TGS1: variants seen among roughly 807,000 people sequenced by gnomAD.
TGS1 encodes the protein trimethylguanosine synthase.
A neutral mutation model predicts 92.2 loss-of-function variants in TGS1; 69 were observed. The observed-to-expected ratio is 0.75, with a 90% CI of 0.62 to 0.91. The LOEUF (loss-of-function observed/expected upper bound fraction) is 0.91, where lower values mean the gene tolerates loss of function less well. TGS1 is among the 40% of genes least tolerant of loss of function. The pLI is 0.00. For synonymous variants in TGS1, 345 were observed against 338.1 expected (o/e 1.02, Z -0.22); for missense variants, 1,062 against 1,001.2 (o/e 1.06, Z -0.82).
At chr8:55,804,862 A>G (rs370899152) in intron 9 of TGS1, 31 bp from the exon 10 acceptor site, 1 of 1,603,902 alleles carries the variant, frequency 6.2e-7, no homozygotes, top group African/African-American at 1.3e-5. Flanking sequence ...TTGAAATTGA[A>G]CATGCTAACA....
In TGS1 at chr8:55,796,121, C is replaced by A. The variant is rs1415199798; in HGVS notation, c.1511C>A (p.Pro504Gln). 1.4e-5 allele frequency: 22 copies of A among 1,611,668 alleles called. No homozygotes were observed. The highest frequency in any genetic ancestry group is 1.8e-5 in the Non-Finnish European group (21 of 1,178,836). Residue 504 changes from proline to glutamine, a missense_variant, in exon 7 of 13, where the codon CCA (proline) becomes CAA (glutamine). Physicochemically the swap from Pro to Gln is moderately conservative, Grantham distance 76. Transcript: ENST00000260129. The part of the protein sequence containing the change: ...HIFFTKESEK[P>Q]FFKKSKILSK... ...TTCTTTACCAAAGAGTCAGAAAAAC[C>A]ATTTTTCAAGAAAAGCAAAATTCTG...
chr8:55,774,203 A>G (rs1022710756), intron 1 of TGS1, among the ~76,000 whole-genome samples: 1 of 152,176 alleles, frequency 6.6e-6, no homozygotes, highest in Admixed American at 6.5e-5. Flanking sequence ...TGATATCTTT[A>G]TTTTGGGGAA....
intron 1 of TGS1, among the ~76,000 whole-genome samples, chr8:55,775,524 G>C (rs994778123): frequency 1.3e-5 from 2 of 152,166 alleles, no homozygotes; most frequent in African/African-American, 4.8e-5. Context: ...AAGAAAGAAA[G>C]ATGGGAGAAA....
chr8:55,801,703 C>T (rs1413128197), intron 8 of TGS1, among the ~76,000 whole-genome samples: 2 of 145,168 alleles, frequency 1.4e-5, no homozygotes, highest in African/African-American at 2.6e-5. Context: ...ATTCTTCTGT[C>T]TCAGCCTCCC....
rs1219209916 is a variant in TGS1 at position 55,802,342 on chromosome 8, A to G, written c.1850-115A>G. The G allele has an allele frequency of 7.3e-6, 6 of 820,176 alleles. No homozygotes were observed. In the African/African-American group the frequency reaches 8.6e-5, roughly 12 times the overall value. The allele number at this position is 820,176 out of a possible 1,614,324, so 50.8% of individuals were successfully genotyped here. A position where few individuals can be genotyped will look rare whatever the true frequency, so the allele number is the denominator to read the frequency against. On this transcript the variant is annotated intron_variant, in intron 8 of 12. Coordinates refer to ENST00000260129, the MANE Select transcript of TGS1 (RefSeq NM_024831.8). The stretch of plus-strand genomic sequence containing the variant: ...GCTCTCCTGTTTCTCTGGGCGTGTC[A>G]TTATATACATGTTCTGCTTGTAATT...
intron 8 of TGS1, among the ~76,000 whole-genome samples, chr8:55,801,582 C>CCTTTTTTTTT (rs1214681045): frequency 2.1e-5 from 1 of 48,200 alleles, no homozygotes; most frequent in African/African-American, 9.4e-5. Flanking sequence ...CCCCATCGTT[C>CCTTTTTTTTT]TTTTTTTTTT....
At chr8:55,805,370 C>T (rs926545060) in intron 10 of TGS1, among the ~76,000 whole-genome samples, 12 of 152,014 alleles carry the variant, frequency 7.9e-5, no homozygotes, top group African/African-American at 2.2e-4. Context: ...CTAGATACAT[C>T]GAAATAATTT....
intron 11 of TGS1, among the ~76,000 whole-genome samples, chr8:55,812,105 C>T (rs538870416): frequency 1.3e-5 from 2 of 152,166 alleles, no homozygotes; most frequent in Non-Finnish European, 2.9e-5. Flanking sequence ...GTTACTCTTC[C>T]AAGACGTCGA....
rs1347311314 is a variant in TGS1 at position 55,799,222 on chromosome 8, T to A, written c.1849+2T>A. On this transcript the variant is annotated splice_donor_variant, in intron 8 of 12. Coordinates refer to ENST00000260129, the MANE Select transcript of TGS1 (RefSeq NM_024831.8). LOFTEE classifies it high-confidence loss of function. ...ACTCCCGCCAGGCAGAAACTGAAGG[T>A]AACACTAAATATGCTTCAACTTGCT... 6.3e-7 allele frequency: 1 copy of A among 1,590,896 alleles called. No homozygotes were observed. Among genetic ancestry groups the A allele is most frequent in the Non-Finnish European group, 8.5e-7 (1 of 1,171,976 alleles).
At chr8:55,812,382 G>A (rs1461969789) in intron 11 of TGS1, among the ~76,000 whole-genome samples, 2 of 151,484 alleles carry the variant, frequency 1.3e-5, no homozygotes, top group Non-Finnish European at 2.9e-5. Context: ...ACAAAAATTA[G>A]CTGGGCATGG....
In TGS1 at chr8:55,786,554, C is replaced by T. The variant is rs550955001; in HGVS notation, c.656C>T (p.Pro219Leu). Residue 219 changes from proline to leucine, a missense_variant, in exon 4 of 13, where the codon CCG becomes CTG. Transcript: ENST00000260129. ...LLWQSWQEKH[P>L]GQALSSEPWN... ...TGGCAAAGTTGGCAAGAAAAACATC[C>T]GGGTCAAGCACTATCTTCTGAACCT... 4.3e-5 allele frequency: 69 copies of T among 1,614,080 alleles called. No homozygotes were observed. Among genetic ancestry groups the T allele is most frequent in the Non-Finnish European group, 5.1e-5 (60 of 1,180,000 alleles).
At position 55,796,151 on chromosome 8, in the gene TGS1, A is replaced by C. The variant is rs1444450522; in HGVS notation, c.1541A>C (p.Lys514Thr). 2 of 1,600,580 alleles carry C rather than the reference A, an allele frequency of 1.2e-6. No individual in the cohort carries two copies. Among genetic ancestry groups the C allele is most frequent in the Admixed American group, 1.7e-5 (1 of 58,574 alleles). The change falls in exon 7 of 13, where the codon AAG (lysine) becomes ACG (threonine). Residue 514 changes from lysine (K) to threonine (T), a missense_variant and splice_region_variant. Lys to Thr is a moderately conservative substitution (Grantham distance 78). Transcript: ENST00000260129. ...TTCAAGAAAAGCAAAATTCTGAGTA[A>C]GGTATGTATAAATTTTGTTGCATAT... ...PFFKKSKILS[K>T]VEKFLTWVNK...
intron 4 of TGS1, among the ~76,000 whole-genome samples, chr8:55,789,450 A>C (rs942981146): frequency 4.6e-5 from 7 of 152,242 alleles, no homozygotes; most frequent in Non-Finnish European, 8.8e-5. Context: ...ATTCCATAAG[A>C]ATGTGACTGC....
chr8:55,810,825 C>T lies in TGS1; in HGVS notation c.2144-56C>T, dbSNP rs80077263. 2.6e-3 allele frequency: 3,571 copies of T among 1,381,898 alleles called. 75 individuals carry two copies. In the African/African-American group the frequency reaches 0.046, roughly 18 times the overall value. The allele number at this position is 1,381,898 out of a possible 1,614,324, so 85.6% of individuals were successfully genotyped here. A position where few individuals can be genotyped will look rare whatever the true frequency, so the allele number is the denominator to read the frequency against. On this transcript the variant is annotated intron_variant, in intron 10 of 12. Coordinates refer to ENST00000260129, the MANE Select transcript of TGS1 (RefSeq NM_024831.8). ...CAGACTATTCGAAAGACAAACTATC[C>T]TATATAAGTAATAATCAGTGTCAAT...
chr8:55,803,698 T>A (rs1167856360), intron 9 of TGS1, among the ~76,000 whole-genome samples: 1 of 150,954 alleles, frequency 6.6e-6, no homozygotes, highest in African/African-American at 2.4e-5. Flanking sequence ...TTTTCTTTTT[T>A]TTTTTATTTT....
At chr8:55,803,292 C>T (rs946362099) in intron 9 of TGS1, among the ~76,000 whole-genome samples, 2 of 152,258 alleles carry the variant, frequency 1.3e-5, no homozygotes, top group East Asian at 1.9e-4. Flanking sequence ...GAATTAACTT[C>T]GCAAATTTTG....
intron 9 of TGS1, 48 bp from the exon 10 acceptor site, chr8:55,804,845 T>G (rs1229000240): frequency 5.1e-6 from 8 of 1,576,688 alleles, no homozygotes; most frequent in Non-Finnish European, 7.0e-6. Flanking sequence ...ATGCTTGCCT[T>G]GGCTTCTTGA....
chr8:55,796,190 C>A, intron 7 of TGS1, 38 bp downstream of exon 7: 1 of 1,486,992 alleles, frequency 6.7e-7, no homozygotes, highest in Non-Finnish European at 9.2e-7. Flanking sequence ...TAGATAGAAT[C>A]ATGTTTTGTA....
chr8:55,803,005 A>AT (rs1812264551), intron 9 of TGS1, among the ~76,000 whole-genome samples: 1 of 145,712 alleles, frequency 6.9e-6, no homozygotes, highest in Non-Finnish European at 1.5e-5. Context: ...CATTGCGTTT[A>AT]TTTTTCAAGT....
Sources: gnomAD v4.1 joint callset for allele counts (sites outside exome capture counted in the v4.1 genomes callset) on GRCh38, gnomAD v4.1.1 for gene constraint, MANE v1.5 for transcripts, NCBI Gene and HGNC (gene_info 2026-07-23, HGNC 2026-07-21) for gene names.